Variants in FRMD4A observed in about 807,000 individuals in gnomAD.
The protein encoded by FRMD4A is FERM domain-containing protein 4A.
A neutral mutation model predicts 129.1 loss-of-function variants in FRMD4A; 29 were observed. That is an observed-to-expected ratio of 0.22 (90% CI 0.17 to 0.31). FRMD4A has a LOEUF of 0.31. Ranked by LOEUF, FRMD4A falls within the 10% of genes least tolerant of loss-of-function variation. The pLI, the probability that FRMD4A is intolerant of heterozygous loss-of-function variation, is 1.00. For synonymous variants in FRMD4A, 634 were observed against 571.6 expected, an observed-to-expected ratio of 1.11 and a Z score of -1.56; for missense variants, 1,272 against 1,375.8, an observed-to-expected ratio of 0.92 and a Z score of 1.19.
At chr10:14,035,797 A>G (rs968373543) in intron 2 of FRMD4A, among the ~76,000 whole-genome samples, 4 of 152,248 alleles carry the variant, frequency 2.6e-5, no homozygotes, top group Non-Finnish European at 5.9e-5. Context: ...GATATGCAAG[A>G]AACACACTAG....
chr10:14,199,468 C>T (rs1269332204), intron 2 of FRMD4A, among the ~76,000 whole-genome samples: 7 of 151,998 alleles, frequency 4.6e-5, no homozygotes, highest in African/African-American at 1.5e-4. Context: ...CAACTCACTG[C>T]AATCTCCACC....
chr10:13,749,132 A>G (rs2091439783), intron 8 of FRMD4A, among the ~76,000 whole-genome samples: 1 of 152,142 alleles, frequency 6.6e-6, no homozygotes, highest in Non-Finnish European at 1.5e-5. Context: ...GACAGTTTTG[A>G]TACTGAAAGA....
At chr10:14,224,434 TTG>T (rs1370737412) in intron 2 of FRMD4A, among the ~76,000 whole-genome samples, 3 of 152,222 alleles carry the variant, frequency 2.0e-5, no homozygotes, top group African/African-American at 7.2e-5. Context: ...TTAGTTGACT[TTG>T]TCTTTCTTCC....
At chr10:13,776,507 A>G (rs1308252191) in intron 6 of FRMD4A, among the ~76,000 whole-genome samples, 1 of 152,258 alleles carries the variant, frequency 6.6e-6, no homozygotes. Context: ...GGAGGCAAAT[A>G]CTAGAAGAAA....
At chr10:13,699,227 T>TTG (rs1191753305) in intron 14 of FRMD4A, among the ~76,000 whole-genome samples, 4 of 120,488 alleles carry the variant, frequency 3.3e-5, no homozygotes, top group African/African-American at 1.2e-4. Flanking sequence ...GGTTATTGTT[T>TTG]TTTTTTTTTT....
chr10:13,698,747 G>C (rs983009677), intron 14 of FRMD4A, among the ~76,000 whole-genome samples: 9 of 152,214 alleles, frequency 5.9e-5, no homozygotes, highest in Admixed American at 4.6e-4. Context: ...AAGGATGAAA[G>C]ACCCACCCGG....
chr10:14,066,380 G>A (rs1308773384), intron 2 of FRMD4A, among the ~76,000 whole-genome samples: 2 of 152,154 alleles, frequency 1.3e-5, no homozygotes, highest in Non-Finnish European at 2.9e-5. Flanking sequence ...CCTCAGTTCA[G>A]TGCCATAAGA....
chr10:13,788,824 T>C (rs368563144), intron 5 of FRMD4A, among the ~76,000 whole-genome samples: 2 of 78,628 alleles, frequency 2.5e-5, no homozygotes, highest in African/African-American at 1.2e-4. Context: ...CCTCGGGGAG[T>C]CCCGTCCCCT....
At position 13,805,007 on chromosome 10, in the gene FRMD4A, G is replaced by A. The variant is rs117212674; in HGVS notation, c.206+5807C>T. ...CTTAAACTAACATCCTGGCCGCAGG[G>A]TGTCTGTGAGTGTTGTAAAATGTAA... On this transcript the variant is annotated intron_variant, in intron 4 of 24. Coordinates refer to ENST00000357447, the MANE Select transcript of FRMD4A (RefSeq NM_018027.5). 5.2e-4 allele frequency among the ~76,000 whole-genome samples: 79 copies of A among 152,284 alleles called. No individual in the cohort carries two copies. The East Asian group carries it at 0.014, about 27-fold the overall frequency.
chr10:14,116,476 A>T (rs1031691207), intron 2 of FRMD4A, among the ~76,000 whole-genome samples: 1 of 152,170 alleles, frequency 6.6e-6, no homozygotes, highest in Non-Finnish European at 1.5e-5. Flanking sequence ...ACGGAGAGTT[A>T]CCGCCAACCT....
chr10:14,208,217 G>C (rs769214883), intron 2 of FRMD4A, among the ~76,000 whole-genome samples: 3 of 152,040 alleles, frequency 2.0e-5, no homozygotes, highest in Non-Finnish European at 4.4e-5. Context: ...ACGAAACCAA[G>C]CAGAAAACAA....
intron 2 of FRMD4A, among the ~76,000 whole-genome samples, chr10:14,179,610 T>G (rs905921011): frequency 2.6e-5 from 4 of 152,260 alleles, no homozygotes; most frequent in African/African-American, 9.6e-5. Flanking sequence ...AAAATTGTGA[T>G]TTAATATTAA....
At chr10:13,707,199 C>T in intron 12 of FRMD4A, 86 bp from the exon 13 acceptor site, 1 of 899,952 alleles carries the variant, frequency 1.1e-6, no homozygotes, top group Non-Finnish European at 1.8e-6. Context: ...CTTTCGACAG[C>T]TGGCAGTTTC....
intron 12 of FRMD4A, among the ~76,000 whole-genome samples, chr10:13,734,192 C>G (rs1466501910): frequency 6.6e-6 from 1 of 152,154 alleles, no homozygotes; most frequent in African/African-American, 2.4e-5. Flanking sequence ...GTAACACACA[C>G]CTTCTCAACA....
intron 2 of FRMD4A, among the ~76,000 whole-genome samples, chr10:14,319,763 A>C (rs1438301088): frequency 3.9e-5 from 6 of 152,098 alleles, no homozygotes; most frequent in Admixed American, 3.9e-4. Flanking sequence ...TACCAAATCT[A>C]ATCCAGGACC....
intron 2 of FRMD4A, among the ~76,000 whole-genome samples, chr10:14,243,695 T>C (rs1439754881): frequency 2.0e-5 from 3 of 152,072 alleles, no homozygotes; most frequent in African/African-American, 7.2e-5. Context: ...AGAGTTTCAA[T>C]TTCAGAAGAC....
chr10:13,951,930 A>AATAATAAT (rs1386531993), intron 2 of FRMD4A, among the ~76,000 whole-genome samples: 1 of 104,264 alleles, frequency 9.6e-6, no homozygotes, highest in Non-Finnish European at 2.5e-5. Context: ...TAATAATAAT[A>AATAATAAT]AACAATCTAA....
At chr10:14,002,465 G>A (rs1396918657) in intron 2 of FRMD4A, among the ~76,000 whole-genome samples, 4 of 152,222 alleles carry the variant, frequency 2.6e-5, no homozygotes, top group Non-Finnish European at 4.4e-5. Flanking sequence ...AGGTTAGCAC[G>A]AGGATGGAGG....
In FRMD4A at chr10:13,701,409, T is replaced by C; in HGVS notation, c.906A>G (p.Ala302=). The change falls in exon 14 of 25, where the codon GCA becomes GCG. Residue 302 remains alanine (A), a synonymous_variant. Coordinates refer to ENST00000357447, the MANE Select transcript of FRMD4A (RefSeq NM_018027.5). ...CCATAGCCCAGATGGACTTGATCAA[T>C]GCCGGACATGCATACCACGTGTGCA... ...IAVHTWYACP[A]LIKSIWAMAI... 1.2e-6 allele frequency: 2 copies of C among 1,613,928 alleles called. No homozygotes were observed. The highest frequency in any genetic ancestry group is 2.2e-5 in the East Asian group (1 of 44,880).
Sources: allele counts gnomAD v4.1 joint callset (sites outside exome capture counted in the v4.1 genomes callset), GRCh38; gene constraint gnomAD v4.1.1; transcripts MANE v1.5; gene names NCBI Gene and HGNC (gene_info 2026-07-23, HGNC 2026-07-21).